TCTN1: variants seen among roughly 807,000 people sequenced by gnomAD.
The protein encoded by TCTN1 is tectonic-1.
A neutral mutation model predicts 65.8 loss-of-function variants in TCTN1; 58 were observed. That is an observed-to-expected ratio of 0.88 (90% CI 0.71 to 1.10). The LOEUF (loss-of-function observed/expected upper bound fraction) is 1.10. TCTN1 is among the 50% of genes least tolerant of loss of function. The pLI, the probability that TCTN1 is intolerant of heterozygous loss-of-function variation, is 0.00. For synonymous variants in TCTN1, 273 were observed against 289.1 expected (o/e 0.94, Z 0.57); for missense variants, 645 against 719.4 (o/e 0.90, Z 1.18).
At chr12:110,629,052 A>G (rs777000907) in intron 4 of TCTN1, 134 bp downstream of exon 4, 3 of 930,980 alleles carry the variant, frequency 3.2e-6, no homozygotes, top group Non-Finnish European at 4.9e-6. Flanking sequence ...CTTAATGTTC[A>G]TGCCTACAAA....
chr12:110,636,177 G>A (rs2066554368), intron 6 of TCTN1: 1 of 369,434 alleles, frequency 2.7e-6, no homozygotes, highest in Non-Finnish European at 5.1e-6. Flanking sequence ...CAGTGCTTAT[G>A]GCCGTGAGAC....
chr12:110,636,346 A>G, intron 6 of TCTN1, 135 bp from the exon 7 acceptor site: 1 of 640,416 alleles, frequency 1.6e-6, no homozygotes, highest in South Asian at 1.6e-5. Flanking sequence ...AGTCTTGATC[A>G]AGGAAATTCT....
At chr12:110,636,928 C>T (rs955843090) in intron 7 of TCTN1, among the ~76,000 whole-genome samples, 4 of 152,216 alleles carry the variant, frequency 2.6e-5, no homozygotes, top group African/African-American at 9.6e-5. Flanking sequence ...CGTGGTATAC[C>T]TTCAGGGCTT....
chr12:110,626,296 A>G, intron 2 of TCTN1, 66 bp from the exon 3 acceptor site: 1 of 1,509,306 alleles, frequency 6.6e-7, no homozygotes, highest in Non-Finnish European at 8.9e-7. Flanking sequence ...ACAGTTTTAA[A>G]ATAATTTTGC....
At chr12:110,632,828 G>A (rs1312954581) in intron 5 of TCTN1, among the ~76,000 whole-genome samples, 1 of 152,102 alleles carries the variant, frequency 6.6e-6, no homozygotes. Flanking sequence ...CACTGCTTGA[G>A]CACTTGTAGT....
chr12:110,619,580 G>A (rs765265739), intron 1 of TCTN1, among the ~76,000 whole-genome samples: 2 of 152,146 alleles, frequency 1.3e-5, no homozygotes, highest in Non-Finnish European at 2.9e-5. Context: ...TTCAGCTTAC[G>A]AAATCAGCAT....
rs2064869926 is a variant in TCTN1 at position 110,614,204 on chromosome 12, C to T, written c.22C>T (p.Pro8Ser). The change falls in exon 1 of 15, where the codon CCG becomes TCG. Residue 8 changes from proline to serine, a missense_variant. Physicochemically the swap from Pro to Ser is moderately conservative, Grantham distance 74. Coordinates refer to ENST00000397659, the MANE Select transcript of TCTN1 (RefSeq NM_001082538.3). MRPRGLPPLLVVLLGCWA... is the reference protein window; with the variant it reads MRPRGLPSLLVVLLGCWA... ...GGAGATGAGGCCGCGAGGTCTCCCGCCGCTCCTGGTGGTGCTCCTGGGCTG... is the reference window on the plus strand; with the variant it reads ...GGAGATGAGGCCGCGAGGTCTCCCGTCGCTCCTGGTGGTGCTCCTGGGCTG... 1 of 1,574,890 alleles carries T rather than the reference C, an allele frequency of 6.3e-7. No homozygotes were observed.
At position 110,649,160 on chromosome 12, in the gene TCTN1, A is replaced by T. The variant is rs919595182; in HGVS notation, c.*119A>T. The T allele has an allele frequency of 6.3e-5, 43 of 679,686 alleles. No individual in the cohort carries two copies. The highest frequency in any genetic ancestry group is 1.0e-4 in the Non-Finnish European group (38 of 375,722). The allele number at this position is 679,686 out of a possible 1,614,324, so 42.1% of individuals were successfully genotyped here. A position where few individuals can be genotyped will look rare whatever the true frequency, so the allele number is the denominator to read the frequency against. Reference sequence around the variant, plus strand: ...CCAGCTTTGTTGCTCATTTTCAATTAAGGCTAAAGTGTTCAACATGAGAAA... The same window carrying T: ...CCAGCTTTGTTGCTCATTTTCAATTTAGGCTAAAGTGTTCAACATGAGAAA... On this transcript the variant is annotated 3_prime_UTR_variant, in exon 15 of 15. Coordinates refer to ENST00000397659, the MANE Select transcript of TCTN1 (RefSeq NM_001082538.3).
intron 2 of TCTN1, 97 bp from the exon 3 acceptor site, chr12:110,626,265 A>G: frequency 3.7e-6 from 5 of 1,343,982 alleles, no homozygotes; most frequent in East Asian, 2.6e-5. Flanking sequence ...AACTGTTAAC[A>G]TAGTACAGTA....
chr12:110,631,491 G>A (rs2066233557), intron 4 of TCTN1, among the ~76,000 whole-genome samples: 1 of 151,974 alleles, frequency 6.6e-6, no homozygotes, highest in Non-Finnish European at 1.5e-5. Context: ...AAAATTAGCT[G>A]GGCGTGGTGG....
chr12:110,622,395 T>C (rs1273411327), intron 2 of TCTN1, among the ~76,000 whole-genome samples: 1 of 152,078 alleles, frequency 6.6e-6, no homozygotes. Flanking sequence ...AGTTAGGCAC[T>C]CTCCTGCCTT....
chr12:110,644,636 T>G lies in TCTN1; in HGVS notation c.1332-331T>G. On this transcript the variant is annotated intron_variant, in intron 11 of 14. Coordinates refer to ENST00000397659, the MANE Select transcript of TCTN1 (RefSeq NM_001082538.3). The surrounding 1 kb of genome is among the most constrained non-coding windows in gnomAD (Gnocchi z 4.6). ...GTGGTTGCAGTGAGCCAAGATTGCCTCACTGTACTCCAGCCTGGGCAACAG... is the reference window on the plus strand; with the variant it reads ...GTGGTTGCAGTGAGCCAAGATTGCCGCACTGTACTCCAGCCTGGGCAACAG... 1 of 342,456 alleles carries G rather than the reference T, an allele frequency of 2.9e-6. No homozygotes were observed. The highest frequency in any genetic ancestry group is 5.6e-6 in the Non-Finnish European group (1 of 178,294). 21.2% of individuals were successfully genotyped at this position (342,456 alleles called of 1,614,324 possible). A position where few individuals can be genotyped will look rare whatever the true frequency, so the allele number is the denominator to read the frequency against.
chr12:110,634,267 A>G (rs1187173900), intron 5 of TCTN1: 1 of 369,902 alleles, frequency 2.7e-6, no homozygotes, highest in Non-Finnish European at 5.5e-6. Flanking sequence ...GCCTCTGGAG[A>G]AGGGGACTGG....
intron 4 of TCTN1, among the ~76,000 whole-genome samples, chr12:110,630,957 CGTTGTTGTT>C (rs547662704): frequency 3.3e-5 from 5 of 151,950 alleles, no homozygotes; most frequent in Non-Finnish European, 5.9e-5. Context: ...GATAGAGCTG[CGTTGTTGTT>C]GTTGTTGTTG....
intron 2 of TCTN1, 48 bp from the exon 3 acceptor site, chr12:110,626,314 G>A (rs1157341477): frequency 3.9e-6 from 6 of 1,537,044 alleles, no homozygotes; most frequent in Non-Finnish European, 5.3e-6. Flanking sequence ...TGCTAAGATT[G>A]TGTGCTTATG....
chr12:110,623,981 A>G (rs1232383204), intron 2 of TCTN1, among the ~76,000 whole-genome samples: 2 of 152,190 alleles, frequency 1.3e-5, no homozygotes, highest in East Asian at 3.8e-4. Flanking sequence ...AGTGCATATT[A>G]GGCATTATAT....
chr12:110,632,094 T>G (rs1243957520), intron 4 of TCTN1, among the ~76,000 whole-genome samples: 1 of 152,230 alleles, frequency 6.6e-6, no homozygotes, highest in African/African-American at 2.4e-5. Context: ...AATTGATTTT[T>G]ATGATTTTAA....
chr12:110,629,083 A>G (rs569989613), intron 4 of TCTN1, 165 bp downstream of exon 4: 1 of 796,334 alleles, frequency 1.3e-6, no homozygotes, highest in South Asian at 1.7e-5. Flanking sequence ...TGAAAATTAA[A>G]ACTGAATATT....
intron 2 of TCTN1, among the ~76,000 whole-genome samples, chr12:110,620,265 G>A (rs1417043276): frequency 2.0e-5 from 3 of 152,128 alleles, no homozygotes; most frequent in South Asian, 2.1e-4. Flanking sequence ...AAAATTAGCC[G>A]GGCATGTTGG....
Sources: gnomAD v4.1 joint callset for allele counts (sites outside exome capture counted in the v4.1 genomes callset) on GRCh38, gnomAD v4.1.1 for gene constraint, Gnocchi (gnomAD v3.1) non-coding constraint, MANE v1.5 for transcripts, NCBI Gene and HGNC (gene_info 2026-07-23, HGNC 2026-07-21) for gene names.